Variants in PBX3 observed in about 807,000 individuals in gnomAD.
The protein encoded by PBX3 is pre-B-cell leukemia transcription factor 3.
Under a neutral mutation model 48.5 loss-of-function variants are expected in PBX3, and 14 were observed. The ratio of observed to expected loss-of-function variants is 0.29; its 90% CI spans 0.19 to 0.45. The LOEUF (loss-of-function observed/expected upper bound fraction) is 0.45. PBX3 is among the 20% of genes least tolerant of loss of function. PBX3 has a pLI of 1.00. For synonymous variants in PBX3, 210 were observed against 200.3 expected, an observed-to-expected ratio of 1.05 and a Z score of -0.41; for missense variants, 386 against 546.7, an observed-to-expected ratio of 0.71 and a Z score of 2.93.
intron 2 of PBX3, among the ~76,000 whole-genome samples, chr9:125,834,597 C>A (rs1299964291): frequency 1.3e-5 from 2 of 151,328 alleles, no homozygotes; most frequent in African/African-American, 4.8e-5. Context: ...GGGGTTGCGC[C>A]AAGTTGACTA....
rs1841672576 is a variant in PBX3, at chr9:125,929,717, C to T, written c.579C>T (p.Pro193=). The change falls in exon 4 of 9, where the codon CCC becomes CCT. Residue 193 remains proline (P), a synonymous_variant. Transcript: ENST00000373489. The stretch of plus-strand genomic sequence containing the variant: ...TCCGAGAACAGAGTAGAACACGTCC[C>T]ATTTCTCCAAAAGAGATTGAAAGAA... ...NLLREQSRTR[P]ISPKEIERMV... 5 of 1,613,726 alleles carry T rather than the reference C, an allele frequency of 3.1e-6. No individual in the cohort carries two copies. Among genetic ancestry groups the T allele is most frequent in the Non-Finnish European group, 4.2e-6 (5 of 1,179,828 alleles).
chr9:125,783,754 T>G (rs1169892856), intron 2 of PBX3, among the ~76,000 whole-genome samples: 2 of 152,124 alleles, frequency 1.3e-5, no homozygotes, highest in African/African-American at 2.4e-5. Flanking sequence ...ATCCCAGCAC[T>G]TTGAGAGGCT....
intron 5 of PBX3, among the ~76,000 whole-genome samples, chr9:125,952,700 C>A (rs1842218986): frequency 6.6e-6 from 1 of 152,172 alleles, no homozygotes; most frequent in African/African-American, 2.4e-5. Flanking sequence ...AGCTCTGGGT[C>A]CCAGCACAAG....
rs751887160 is a variant in PBX3 at position 125,960,671 on chromosome 9, C to T, written c.844-13C>T. On this transcript the variant is annotated splice_polypyrimidine_tract_variant and intron_variant, in intron 5 of 8. Coordinates refer to ENST00000373489, the MANE Select transcript of PBX3 (RefSeq NM_006195.6). ...TCTCTTCCCCTTCACCTCCATGTCC[C>T]TGCAATTTGTAGGTATCCAATTGGT... is the stretch of plus-strand genomic sequence containing the variant. The T allele has an allele frequency of 5.6e-6, 9 of 1,613,736 alleles. No homozygotes were observed. Among genetic ancestry groups the T allele is most frequent in the Non-Finnish European group, 5.9e-6 (7 of 1,179,652 alleles).
At chr9:125,748,441 C>T (rs1836269796) in intron 1 of PBX3, 109 bp from the exon 2 acceptor site, 3 of 1,518,644 alleles carry the variant, frequency 2.0e-6, no homozygotes, top group African/African-American at 2.8e-5. Context: ...TCAAAAGGGC[C>T]TTCCAGAATG....
At chr9:125,785,629 A>G (rs1320746908) in intron 2 of PBX3, among the ~76,000 whole-genome samples, 1 of 152,204 alleles carries the variant, frequency 6.6e-6, no homozygotes, top group Non-Finnish European at 1.5e-5. Context: ...CAGACGGCCT[A>G]TTGTGAGACT....
rs142443633 is a variant in PBX3 at position 125,807,697 on chromosome 9, G to GT, written c.274+59084dup. On this transcript the variant is annotated intron_variant, in intron 2 of 8. Transcript: ENST00000373489. ...TCTAGATTATTATTGTTAGAAACAT[G>GT]TTTTTTTTTTATTGTAGGTACATGA... is the stretch of plus-strand genomic sequence containing the variant. Among the ~76,000 whole-genome samples, 3,485 of 148,554 alleles carry GT rather than the reference G, an allele frequency of 0.023. 232 individuals are homozygous for GT. The East Asian group carries it at 0.24, about 10-fold the overall frequency.
At chr9:125,760,900 G>A (rs1329040622) in intron 2 of PBX3, among the ~76,000 whole-genome samples, 1 of 152,168 alleles carries the variant, frequency 6.6e-6, no homozygotes, top group Non-Finnish European at 1.5e-5. Context: ...TGTTCTACAT[G>A]TGCAGCTGTA....
intron 2 of PBX3, among the ~76,000 whole-genome samples, chr9:125,895,418 G>T (rs764254238): frequency 2.4e-4 from 37 of 151,962 alleles, no homozygotes; most frequent in Non-Finnish European, 4.1e-4. Flanking sequence ...TGACCCTAAG[G>T]ATTTATTATT....
intron 2 of PBX3, among the ~76,000 whole-genome samples, chr9:125,750,520 G>GAAAA (rs777500937): frequency 2.6e-5 from 4 of 152,154 alleles, no homozygotes; most frequent in Non-Finnish European, 5.9e-5. Context: ...GGTGAGTTAC[G>GAAAA]AAAAAGAAAC....
intron 5 of PBX3, among the ~76,000 whole-genome samples, chr9:125,942,505 TAAG>T (rs1229130481): frequency 4.6e-5 from 7 of 152,066 alleles, no homozygotes; most frequent in Admixed American, 6.6e-5. Flanking sequence ...ACTATTAAAA[TAAG>T]AAGAAGCCCG....
At chr9:125,938,858 G>A (rs1223129831) in intron 5 of PBX3, among the ~76,000 whole-genome samples, 8 of 152,068 alleles carry the variant, frequency 5.3e-5, no homozygotes, top group Admixed American at 4.6e-4. Context: ...TTGTACTATG[G>A]TTATGTGAGA....
chr9:125,787,176 A>C (rs914382130), intron 2 of PBX3, among the ~76,000 whole-genome samples: 3 of 152,126 alleles, frequency 2.0e-5, no homozygotes, highest in Admixed American at 1.3e-4. Context: ...AGTAGCTTGG[A>C]CTGCAGGTGT....
intron 2 of PBX3, among the ~76,000 whole-genome samples, chr9:125,899,773 T>A (rs1840897969): frequency 6.6e-6 from 1 of 151,748 alleles, no homozygotes; most frequent in African/African-American, 2.4e-5. Flanking sequence ...TGGTACATCT[T>A]AAGTGACAAA....
chr9:125,769,314 A>G (rs544295186), intron 2 of PBX3, among the ~76,000 whole-genome samples: 5 of 152,340 alleles, frequency 3.3e-5, no homozygotes, highest in Admixed American at 3.3e-4. Flanking sequence ...AAAAAGACCA[A>G]TATCTTATTA....
chr9:125,910,695 G>A (rs1841183373), intron 2 of PBX3, among the ~76,000 whole-genome samples: 1 of 150,974 alleles, frequency 6.6e-6, no homozygotes, highest in Non-Finnish European at 1.5e-5. Flanking sequence ...ACTAACATTG[G>A]CTTAAAAGGA....
intron 2 of PBX3, among the ~76,000 whole-genome samples, chr9:125,900,619 G>T (rs1436416415): frequency 6.6e-6 from 1 of 151,696 alleles, no homozygotes; most frequent in Non-Finnish European, 1.5e-5. Flanking sequence ...CTACAGGCAG[G>T]TGGCTTTACA....
chr9:125,760,180 C>T (rs933996679), intron 2 of PBX3, among the ~76,000 whole-genome samples: 4 of 152,116 alleles, frequency 2.6e-5, no homozygotes, highest in East Asian at 1.9e-4. Flanking sequence ...AATTTCAGGA[C>T]GCTGAAAGTT....
chr9:125,789,007 C>A (rs1837530602), intron 2 of PBX3, among the ~76,000 whole-genome samples: 1 of 151,980 alleles, frequency 6.6e-6, no homozygotes, highest in African/African-American at 2.4e-5. Flanking sequence ...TGTTTTTGAA[C>A]CTTTAAGATT....
Sources: gnomAD v4.1 joint callset for allele counts (sites outside exome capture counted in the v4.1 genomes callset) on GRCh38, gnomAD v4.1.1 for gene constraint, MANE v1.5 for transcripts, NCBI Gene and HGNC (gene_info 2026-07-23, HGNC 2026-07-21) for gene names.